Variants in NCOR2 observed in about 807,000 individuals in gnomAD.
The protein encoded by NCOR2 is CTG repeat protein 26.
Under a neutral mutation model 262.9 loss-of-function variants are expected in NCOR2, and 81 were observed. The observed-to-expected ratio is 0.31, with a 90% CI of 0.26 to 0.37. The LOEUF is 0.37. Among genes scored for constraint, NCOR2 ranks in the 10% least tolerant of loss-of-function variants. The pLI, the probability that NCOR2 is intolerant of heterozygous loss-of-function variation, is 1.00. For missense variants in NCOR2, 3,385 were observed against 3,621.4 expected (o/e 0.93, Z 1.68); for synonymous variants, 1,659 against 1,559.3 (o/e 1.06, Z -1.51).
intron 16 of NCOR2, among the ~76,000 whole-genome samples, chr12:124,386,751 G>A (rs754142977): frequency 9.9e-5 from 15 of 152,254 alleles, no homozygotes; most frequent in Non-Finnish European, 1.5e-4. Flanking sequence ...AGCCCCTGCT[G>A]CACCGGAGGC....
chr12:124,556,949 G>A (rs977689135), intron 1 of NCOR2, among the ~76,000 whole-genome samples: 1 of 152,210 alleles, frequency 6.6e-6, no homozygotes, highest in Admixed American at 6.5e-5. Context: ...CAAAGGCCCC[G>A]TGGCGGAAGC....
At chr12:124,458,222 A>G (rs2045982125) in intron 5 of NCOR2, among the ~76,000 whole-genome samples, 1 of 152,222 alleles carries the variant, frequency 6.6e-6, no homozygotes, top group Non-Finnish European at 1.5e-5. Context: ...GGTGACCCCA[A>G]GCCCTGGGAA....
At chr12:124,493,484 T>C (rs959558876) in intron 1 of NCOR2, among the ~76,000 whole-genome samples, 1 of 152,228 alleles carries the variant, frequency 6.6e-6, no homozygotes, top group Non-Finnish European at 1.5e-5. Flanking sequence ...GTACTCTCAG[T>C]ACCCCCACTT....
intron 8 of NCOR2, among the ~76,000 whole-genome samples, chr12:124,431,846 C>T (rs1190450327): frequency 6.6e-6 from 1 of 151,268 alleles, no homozygotes; most frequent in East Asian, 1.9e-4. Context: ...GGCAGACAGA[C>T]AGTCATATAG....
At chr12:124,357,302 C>T (rs975990179) in intron 22 of NCOR2, among the ~76,000 whole-genome samples, 13 of 152,258 alleles carry the variant, frequency 8.5e-5, no homozygotes, top group Middle Eastern at 3.4e-3. Flanking sequence ...CGCCCACCAC[C>T]GCACCATGCC....
chr12:124,330,801 G>A (rs371319760), intron 44 of NCOR2, 44 bp downstream of exon 46: 23 of 1,550,556 alleles, frequency 1.5e-5, no homozygotes, highest in South Asian at 2.4e-5. Flanking sequence ...GGGAGGGAGC[G>A]GAGGGGACCA....
chr12:124,510,957 C>T (rs2049362954), intron 1 of NCOR2, among the ~76,000 whole-genome samples: 1 of 152,028 alleles, frequency 6.6e-6, no homozygotes, highest in South Asian at 2.1e-4. Flanking sequence ...TTTCCTCTCC[C>T]CCCACAGCCC....
At position 124,426,850 on chromosome 12, in the gene NCOR2, G is replaced by A. The variant is rs548713845; in HGVS notation, c.1150-50C>T. On this transcript the variant is annotated intron_variant, in intron 10 of 46. Coordinates refer to ENST00000405201, the Ensembl canonical transcript of NCOR2. ...CAGAGGCCCAGGGACGAGGTGCTCC[G>A]GCCGGCGCAGGGGACCCAGGGAAGA... is the stretch of plus-strand genomic sequence containing the variant. The A allele has an allele frequency of 2.9e-5, 44 of 1,493,888 alleles. No homozygotes were observed. In the South Asian group the frequency reaches 3.0e-4, roughly 10 times the overall value. 92.5% of individuals were successfully genotyped at this position (1,493,888 alleles called of 1,614,324 possible). A position where few individuals can be genotyped will look rare whatever the true frequency, so the allele number is the denominator to read the frequency against.
chr12:124,383,381 G>A (rs372471779), intron 17 of NCOR2: 9 of 279,044 alleles, frequency 3.2e-5, no homozygotes, highest in African/African-American at 1.6e-4. Flanking sequence ...AGGCGCCCTC[G>A]TCAGTGGGAT....
exon 32 of NCOR2, chr12:124,344,746 A>G: frequency 6.5e-7 from 1 of 1,547,034 alleles, no homozygotes; most frequent in Non-Finnish European, 8.7e-7. Context: ...GCCGCGCGCA[A>G]TGGAGCCCCC....
chr12:124,394,237 C>T (rs1299299584), intron 16 of NCOR2, among the ~76,000 whole-genome samples: 1 of 152,212 alleles, frequency 6.6e-6, no homozygotes, highest in Non-Finnish European at 1.5e-5. Flanking sequence ...CTTTAAAGTG[C>T]CCCTGGGAGG....
intron 20 of NCOR2, among the ~76,000 whole-genome samples, chr12:124,365,815 C>T (rs2135987127): frequency 6.6e-6 from 1 of 152,086 alleles, no homozygotes. Flanking sequence ...ACTCCCTGGA[C>T]CTGGGCCCAG....
chr12:124,464,680 C>T (rs1340501982), intron 5 of NCOR2, among the ~76,000 whole-genome samples: 3 of 152,198 alleles, frequency 2.0e-5, no homozygotes, highest in Non-Finnish European at 4.4e-5. Context: ...ACTGTCTGTC[C>T]TAAGGGCACT....
exon 47 of NCOR2, chr12:124,325,382 C>CCCCCCA (rs1555297248): frequency 1.7e-5 from 7 of 412,908 alleles, no homozygotes; most frequent in Non-Finnish European, 2.6e-5. Context: ...ACACCGCCCC[C>CCCCCCA]CCCCCCGCCC....
At chr12:124,449,294 C>T (rs1485245730) in intron 7 of NCOR2, among the ~76,000 whole-genome samples, 1 of 152,214 alleles carries the variant, frequency 6.6e-6, no homozygotes, top group Non-Finnish European at 1.5e-5. Flanking sequence ...ATCACATTGG[C>T]CACCTCCAAA....
At chr12:124,385,573 A>C (rs1246826196) in intron 17 of NCOR2, among the ~76,000 whole-genome samples, 172 bp downstream of exon 19, 7 of 152,044 alleles carry the variant, frequency 4.6e-5, no homozygotes, top group Non-Finnish European at 1.0e-4. Context: ...TGCCGCCTGC[A>C]GCCATCTCGG....
chr12:124,529,202 A>C (rs1177128823), intron 1 of NCOR2, among the ~76,000 whole-genome samples: 115 of 143,650 alleles, frequency 8.0e-4, no homozygotes, highest in African/African-American at 2.4e-3. Context: ...AAAAAAAAAA[A>C]CACTCACTAA....
intron 37 of NCOR2, 49 bp downstream of exon 39, chr12:124,339,957 G>C (rs1356062048): frequency 7.2e-7 from 1 of 1,388,622 alleles, no homozygotes. Flanking sequence ...TCCTCCTACT[G>C]ACCACCCATC....
rs1023193826 is a variant in NCOR2, at chr12:124,517,236, T to G, written c.-118+18329A>C. ...CCAGGTCTGTGGCAAAGGAGCAACA[T>G]TGCCTGGAAGCCCAGCCCCCTCCCT... is the stretch of plus-strand genomic sequence containing the variant. On this transcript the variant is annotated intron_variant, in intron 1 of 46. Transcript: ENST00000404621. This position sits in a 1 kb window ranked among gnomAD's most constrained non-coding sequence, Gnocchi z 7.6. Among the ~76,000 whole-genome samples the G allele has an allele frequency of 8.6e-5, 13 of 152,026 alleles. No individual in the cohort carries two copies. Among genetic ancestry groups the G allele is most frequent in the Middle Eastern group, 3.2e-3 (1 of 316 alleles).
Sources: allele counts gnomAD v4.1 joint callset (sites outside exome capture counted in the v4.1 genomes callset), GRCh38; gene constraint gnomAD v4.1.1; non-coding constraint Gnocchi (gnomAD v3.1); transcripts MANE v1.5; gene names NCBI Gene and HGNC (gene_info 2026-07-23, HGNC 2026-07-21).